Variants in GPC5 observed in about 807,000 individuals in gnomAD.
The protein encoded by GPC5 is glypican 5, also known as glypican-5.
In GPC5, 47 loss-of-function variants were observed where a neutral mutation model predicts 53.9. The ratio of observed to expected loss-of-function variants is 0.87; its 90% confidence interval spans 0.69 to 1.11. The LOEUF (loss-of-function observed/expected upper bound fraction) is 1.11. Ranked by LOEUF, GPC5 falls within the 50% of genes most tolerant of loss-of-function variation. The pLI, the probability that GPC5 is intolerant of heterozygous loss-of-function variation, is 0.00. For missense variants in GPC5, 748 were observed against 713.1 expected, an observed-to-expected ratio of 1.05 and a Z score of -0.56; for synonymous variants, 286 against 263.3, an observed-to-expected ratio of 1.09 and a Z score of -0.84.
At chr13:92,186,643 T>A (rs1016392771) in intron 7 of GPC5, among the ~76,000 whole-genome samples, 1 of 152,162 alleles carries the variant, frequency 6.6e-6, no homozygotes, top group Non-Finnish European at 1.5e-5. Context: ...AACTCAAAAT[T>A]TGAATTAGAA....
chr13:92,784,880 G>GTT, intron 7 of GPC5, among the ~76,000 whole-genome samples: 1 of 152,214 alleles, frequency 6.6e-6, no homozygotes, highest in East Asian at 1.9e-4. Context: ...CATTAAATAT[G>GTT]TAACACAAAT....
intron 7 of GPC5, among the ~76,000 whole-genome samples, chr13:92,437,466 A>C (rs1464899135): frequency 6.6e-6 from 1 of 152,172 alleles, no homozygotes; most frequent in African/African-American, 2.4e-5. Context: ...TAACCTGTAA[A>C]TAATATACAC....
chr13:92,712,971 C>T (rs1318905690), intron 7 of GPC5, among the ~76,000 whole-genome samples: 1 of 152,078 alleles, frequency 6.6e-6, no homozygotes, highest in Non-Finnish European at 1.5e-5. Flanking sequence ...TTTTAGATTT[C>T]CAGCCTCCAA....
intron 7 of GPC5, among the ~76,000 whole-genome samples, chr13:92,662,062 T>C (rs941946851): frequency 1.3e-5 from 2 of 152,208 alleles, no homozygotes; most frequent in African/African-American, 2.4e-5. Flanking sequence ...TTCCAATATG[T>C]CTGCTATACA....
At chr13:92,028,642 G>A (rs1343325335) in intron 6 of GPC5, among the ~76,000 whole-genome samples, 2 of 151,760 alleles carry the variant, frequency 1.3e-5, no homozygotes, top group African/African-American at 4.9e-5. Flanking sequence ...TTTGTATTTT[G>A]TTTGTTTGTC....
chr13:91,863,802 C>A (rs2039055919), intron 5 of GPC5, among the ~76,000 whole-genome samples: 1 of 152,108 alleles, frequency 6.6e-6, no homozygotes, highest in Non-Finnish European at 1.5e-5. Context: ...GACACAAACC[C>A]AGCCTGGACT....
chr13:92,600,622 T>C (rs1884018028), intron 7 of GPC5, among the ~76,000 whole-genome samples: 1 of 151,300 alleles, frequency 6.6e-6, no homozygotes, highest in Non-Finnish European at 1.5e-5. Flanking sequence ...CTCAGCCTCC[T>C]GAGTAGCTGG....
At chr13:91,576,112 T>C (rs1347278030) in intron 2 of GPC5, among the ~76,000 whole-genome samples, 1 of 152,044 alleles carries the variant, frequency 6.6e-6, no homozygotes, top group African/African-American at 2.4e-5. Context: ...ATGGGAACAT[T>C]GGGCAGACAG....
chr13:91,885,731 T>C (rs149391632), intron 5 of GPC5, among the ~76,000 whole-genome samples: 12 of 152,318 alleles, frequency 7.9e-5, no homozygotes, highest in African/African-American at 1.2e-4. Context: ...TTAGTTTTCA[T>C]AGAAGCCTCA....
At chr13:91,923,815 A>C (rs2039740844) in intron 6 of GPC5, among the ~76,000 whole-genome samples, 1 of 152,140 alleles carries the variant, frequency 6.6e-6, no homozygotes, top group Non-Finnish European at 1.5e-5. Flanking sequence ...AATCTAATTC[A>C]ACTTCATTTA....
At chr13:92,798,107 G>A (rs1042905150) in intron 7 of GPC5, among the ~76,000 whole-genome samples, 1 of 151,810 alleles carries the variant, frequency 6.6e-6, no homozygotes, top group African/African-American at 2.4e-5. Flanking sequence ...ACCAGACTGA[G>A]CATGCTGAAA....
chr13:91,962,962 A>G (rs2040140188), intron 6 of GPC5, among the ~76,000 whole-genome samples: 1 of 152,148 alleles, frequency 6.6e-6, no homozygotes, highest in Non-Finnish European at 1.5e-5. Context: ...GTTTGTCACT[A>G]TTCCATGTGC....
intron 7 of GPC5, among the ~76,000 whole-genome samples, chr13:92,538,185 C>T (rs531842619): frequency 4.6e-5 from 7 of 152,110 alleles, no homozygotes; most frequent in Non-Finnish European, 1.0e-4. Flanking sequence ...CCACATTTTG[C>T]GTATGTAAAA....
At chr13:91,958,385 A>G (rs1227666743) in intron 6 of GPC5, among the ~76,000 whole-genome samples, 1 of 152,128 alleles carries the variant, frequency 6.6e-6, no homozygotes, top group East Asian at 1.9e-4. Flanking sequence ...AGATATTTAA[A>G]GTATATTATT....
intron 7 of GPC5, among the ~76,000 whole-genome samples, chr13:92,713,420 G>A (rs1250910848): frequency 1.1e-4 from 16 of 144,616 alleles, no homozygotes; most frequent in Non-Finnish European, 1.8e-4. Context: ...GTGAAACTCC[G>A]GCTCTACTAA....
intron 6 of GPC5, among the ~76,000 whole-genome samples, chr13:92,097,312 A>G (rs1199455561): frequency 6.6e-6 from 1 of 152,210 alleles, no homozygotes; most frequent in African/African-American, 2.4e-5. Flanking sequence ...GCAGGAAAAA[A>G]GAGGTAAACT....
At chr13:92,420,584 T>C (rs561372857) in intron 7 of GPC5, among the ~76,000 whole-genome samples, 1 of 152,306 alleles carries the variant, frequency 6.6e-6, no homozygotes, top group Admixed American at 6.5e-5. Flanking sequence ...CTAGATCTTA[T>C]TCTTTCAAAC....
intron 2 of GPC5, among the ~76,000 whole-genome samples, chr13:91,493,847 C>G (rs1164142781): frequency 6.6e-6 from 1 of 151,814 alleles, no homozygotes; most frequent in Non-Finnish European, 1.5e-5. Context: ...CATGTTTATC[C>G]TCTTGCCTGT....
chr13:92,071,925 T>A (rs1187013266), intron 6 of GPC5, among the ~76,000 whole-genome samples: 2 of 146,732 alleles, frequency 1.4e-5, no homozygotes, highest in African/African-American at 4.9e-5. Context: ...TATAATGTAT[T>A]ATTTTATACT....
Sources: allele counts gnomAD v4.1 joint callset (sites outside exome capture counted in the v4.1 genomes callset), GRCh38; gene constraint gnomAD v4.1.1; transcripts MANE v1.5; gene names NCBI Gene and HGNC (gene_info 2026-07-23, HGNC 2026-07-21).